ELOVL5: variants seen among roughly 807,000 people sequenced by gnomAD.
ELOVL5 encodes the protein ELOVL fatty acid elongase 5, also known as very long chain fatty acid elongase 5.
ELOVL5 carries 8 observed loss-of-function variants against 38.6 expected under a neutral mutation model. The ratio of observed to expected loss-of-function variants is 0.21; its 90% CI spans 0.12 to 0.37. The LOEUF is 0.37. ELOVL5 is among the 10% of genes least tolerant of loss of function. The pLI is 1.00. For missense variants in ELOVL5, 280 were observed against 367.8 expected, an observed-to-expected ratio of 0.76 and a Z score of 1.95; for synonymous variants, 127 against 133.7, an observed-to-expected ratio of 0.95 and a Z score of 0.34.
At chr6:53,281,057 A>C (rs952394910) in intron 3 of ELOVL5, among the ~76,000 whole-genome samples, 2 of 152,166 alleles carry the variant, frequency 1.3e-5, no homozygotes, top group Non-Finnish European at 2.9e-5. Context: ...CTTAAAGAAA[A>C]AGGAGGAAAA....
intron 1 of ELOVL5, among the ~76,000 whole-genome samples, chr6:53,310,436 T>A (rs1350495902): frequency 1.6e-5 from 2 of 126,214 alleles, no homozygotes; most frequent in East Asian, 2.4e-4. Flanking sequence ...TCTTGGGGGA[T>A]TTTCCGGGAT....
At chr6:53,329,294 A>G (rs1768685225) in intron 1 of ELOVL5, among the ~76,000 whole-genome samples, 1 of 152,188 alleles carries the variant, frequency 6.6e-6, no homozygotes, top group Non-Finnish European at 1.5e-5. Flanking sequence ...TATATTTTGA[A>G]AAATATATAC....
chr6:53,271,318 G>A lies in ELOVL5; in HGVS notation c.622-591C>T, dbSNP rs543521620. Among the ~76,000 whole-genome samples the A allele has an allele frequency of 4.2e-4, 64 of 151,770 alleles. 1 individual carries two copies. In the South Asian group the frequency reaches 0.012, roughly 29 times the overall value. On this transcript the variant is annotated intron_variant, in intron 6 of 7. Transcript: ENST00000304434. ...TGTAATTCCAGCACTTTGGGAGGCC[G>A]AGGCTGGCGGATCACAAGGTCAAGA... is the stretch of plus-strand genomic sequence containing the variant.
At chr6:53,322,612 T>G (rs183326853) in intron 1 of ELOVL5, among the ~76,000 whole-genome samples, 6 of 152,278 alleles carry the variant, frequency 3.9e-5, no homozygotes, top group African/African-American at 1.4e-4. Flanking sequence ...ACAAACAGCA[T>G]AAAACACAAC....
chr6:53,298,910 G>GA (rs397888454), intron 1 of ELOVL5, among the ~76,000 whole-genome samples: 2 of 146,842 alleles, frequency 1.4e-5, no homozygotes, highest in African/African-American at 5.1e-5. Flanking sequence ...CGGGGGGGGG[G>GA]AGTTGATAAT....
intron 1 of ELOVL5, among the ~76,000 whole-genome samples, chr6:53,327,180 AAGC>A (rs1285173033): frequency 6.6e-6 from 1 of 152,016 alleles, no homozygotes; most frequent in African/African-American, 2.4e-5. Flanking sequence ...GCCATCACCA[AAGC>A]AGATCTTTGT....
At position 53,291,860 on chromosome 6, in the gene ELOVL5, C is replaced by A; in HGVS notation, c.162G>T (p.Arg54Ser). The A allele has an allele frequency of 6.2e-7, 1 of 1,613,844 alleles. No individual in the cohort carries two copies. Among genetic ancestry groups the A allele is most frequent in the Non-Finnish European group, 8.5e-7 (1 of 1,179,830 alleles). The change falls in exon 3 of 8, where the codon AGG (arginine) becomes AGT (serine). Residue 54 changes from arginine (R) to serine (S), a missense_variant. Physicochemically the swap from Arg to Ser is moderately radical, Grantham distance 110. Coordinates refer to ENST00000304434, the MANE Select transcript of ELOVL5 (RefSeq NM_021814.5). The stretch of plus-strand genomic sequence containing the variant: ...CCCGGCAAGAGAATGGCTGTTTATT[C>A]CTCATGTATTTTGGTCCCAGCCATA... ...LIVWLGPKYM[R>S]NKQPFSCRGI...
At chr6:53,342,900 A>G (rs1390210404) in intron 1 of ELOVL5, among the ~76,000 whole-genome samples, 1 of 152,162 alleles carries the variant, frequency 6.6e-6, no homozygotes, top group Non-Finnish European at 1.5e-5. Flanking sequence ...CTAAAAGGTC[A>G]CCAAGTATGA....
intron 3 of ELOVL5, chr6:53,287,862 C>T (rs1439685486): frequency 2.6e-6 from 4 of 1,535,584 alleles, no homozygotes; most frequent in Non-Finnish European, 2.6e-6. Context: ...CAACACTGAC[C>T]CTGTTTTCTG....
chr6:53,293,740 G>T (rs900171199), intron 2 of ELOVL5, among the ~76,000 whole-genome samples: 5 of 152,124 alleles, frequency 3.3e-5, no homozygotes, highest in Non-Finnish European at 7.3e-5. Context: ...GGAACTGTCA[G>T]TCAGTCTTCC....
chr6:53,348,397 C>T (rs1473285444), intron 1 of ELOVL5, among the ~76,000 whole-genome samples: 1 of 151,592 alleles, frequency 6.6e-6, no homozygotes, highest in African/African-American at 2.4e-5. Flanking sequence ...CGAGAGCGCT[C>T]CCCCGGCTCT....
intron 1 of ELOVL5, among the ~76,000 whole-genome samples, chr6:53,312,278 G>A (rs10948746): frequency 0.36 from 55,258 of 152,006 alleles, 11,149 homozygotes; most frequent in African/African-American, 0.55. Context: ...ATTCTAGCTA[G>A]AAACTAGAAA....
intron 1 of ELOVL5, among the ~76,000 whole-genome samples, chr6:53,347,436 C>T (rs1409040885): frequency 6.6e-6 from 1 of 152,208 alleles, no homozygotes; most frequent in East Asian, 1.9e-4. Flanking sequence ...TAATGCAAAA[C>T]CGCCTGTTTC....
At chr6:53,348,259 G>C (rs1196382685) in intron 1 of ELOVL5, among the ~76,000 whole-genome samples, 1 of 152,318 alleles carries the variant, frequency 6.6e-6, no homozygotes, top group African/African-American at 2.4e-5. Context: ...GTTAACGGAA[G>C]CGGAGAGAAC....
chr6:53,269,341 GC>G, intron 7 of ELOVL5, 71 bp from the exon 8 acceptor site: 1 of 1,290,722 alleles, frequency 7.7e-7, no homozygotes, highest in Non-Finnish European at 1.0e-6. Flanking sequence ...ACTGAGAATT[GC>G]ATCCCTAACA....
At chr6:53,344,710 C>A (rs1268453717) in intron 1 of ELOVL5, among the ~76,000 whole-genome samples, 1 of 152,160 alleles carries the variant, frequency 6.6e-6, no homozygotes, top group African/African-American at 2.4e-5. Flanking sequence ...AAGAGTTAGC[C>A]ATTATTATTA....
chr6:53,314,222 T>C (rs1377294895), intron 1 of ELOVL5, among the ~76,000 whole-genome samples: 1 of 152,220 alleles, frequency 6.6e-6, no homozygotes, highest in African/African-American at 2.4e-5. Context: ...CTGGCTAATA[T>C]GATTTTTCCT....
intron 1 of ELOVL5, among the ~76,000 whole-genome samples, chr6:53,323,222 T>C (rs1413663383): frequency 6.6e-6 from 1 of 152,140 alleles, no homozygotes; most frequent in Admixed American, 6.5e-5. Context: ...CACTACTGGG[T>C]CCCAAGTAGT....
chr6:53,310,805 CA>C (rs1767798375), intron 1 of ELOVL5, among the ~76,000 whole-genome samples: 1 of 152,166 alleles, frequency 6.6e-6, no homozygotes. Context: ...TGATCTGCAA[CA>C]AATTTCGAAC....
Sources: allele counts gnomAD v4.1 joint callset (sites outside exome capture counted in the v4.1 genomes callset), GRCh38; gene constraint gnomAD v4.1.1; transcripts MANE v1.5; gene names NCBI Gene and HGNC (gene_info 2026-07-23, HGNC 2026-07-21).